The following NCEH1 variants were observed in gnomAD, a reference collection of about 807,000 sequenced individuals.
NCEH1 encodes the protein 2-acetyl MAGE hydrolase.
A neutral mutation model predicts 25.4 loss-of-function variants in NCEH1; 9 were observed. The observed-to-expected ratio is 0.35, with a 90% CI of 0.21 to 0.62. The LOEUF (loss-of-function observed/expected upper bound fraction) is 0.62. Ranked by LOEUF, NCEH1 falls within the 20% of genes least tolerant of loss-of-function variation. The probability of loss-of-function intolerance (pLI) is 0.72; values close to 1 mark genes in which losing one functional copy is unlikely to be tolerated. For missense variants in NCEH1, 412 were observed against 501.1 expected (o/e 0.82, Z 1.70); for synonymous variants, 200 against 199.8 (o/e 1.00, Z -0.01).
chr3:172,677,404 C>A lies in NCEH1; in HGVS notation c.139-29290G>T, dbSNP rs544580572. ...AATTAAGTACCCTTTTGTACACATT[C>A]ACATGGTGATCATGACAAGTTATTG... is the stretch of plus-strand genomic sequence containing the variant. On this transcript the variant is annotated intron_variant, in intron 1 of 4. Coordinates refer to ENST00000475381, the MANE Select transcript of NCEH1 (RefSeq NM_020792.6). Among the ~76,000 whole-genome samples the A allele has an allele frequency of 9.2e-5, 14 of 152,358 alleles. No homozygotes were observed. The Middle Eastern group carries it at 0.014, about 148-fold the overall frequency.
At chr3:172,673,524 C>T (rs1412927806) in intron 1 of NCEH1, among the ~76,000 whole-genome samples, 1 of 152,176 alleles carries the variant, frequency 6.6e-6, no homozygotes, top group African/African-American at 2.4e-5. Flanking sequence ...ATTTTCCATG[C>T]TCATGCTGCC....
At chr3:172,671,867 ACT>A (rs1258835698) in intron 1 of NCEH1, among the ~76,000 whole-genome samples, 2 of 152,074 alleles carry the variant, frequency 1.3e-5, no homozygotes, top group Admixed American at 6.6e-5. Flanking sequence ...GAGCTGGAAA[ACT>A]CTTATAACCT....
chr3:172,661,935 T>C (rs557587391), intron 1 of NCEH1, among the ~76,000 whole-genome samples: 9 of 152,340 alleles, frequency 5.9e-5, no homozygotes, highest in South Asian at 2.1e-4. Flanking sequence ...TGACTTCCTC[T>C]TTTCCTAATT....
intron 1 of NCEH1, among the ~76,000 whole-genome samples, chr3:172,660,814 G>C (rs1418281437): frequency 6.6e-6 from 1 of 152,158 alleles, no homozygotes; most frequent in Non-Finnish European, 1.5e-5. Context: ...CCCACTTTTT[G>C]ATGGGATTGA....
At chr3:172,692,726 T>C (rs1315076427) in intron 1 of NCEH1, among the ~76,000 whole-genome samples, 2 of 152,188 alleles carry the variant, frequency 1.3e-5, no homozygotes, top group Non-Finnish European at 2.9e-5. Flanking sequence ...CTCTTGATGT[T>C]GGTTGTGTGC....
At chr3:172,635,805 T>G in intron 4 of NCEH1, 111 bp downstream of exon 4, 3 of 968,438 alleles carry the variant, frequency 3.1e-6, no homozygotes, top group Admixed American at 4.3e-5. Context: ...GGCCATCTAG[T>G]GACCGGCCCA....
Position 172,630,924 on chromosome 3 carries a change from T to C in NCEH1, c.*2551A>G, listed in dbSNP as rs997712017. ...TACTTCACTATACAGCACTTCAAGG[T>C]TTTTCTTTATATATTAATGTTTATA... is the stretch of plus-strand genomic sequence containing the variant. On this transcript the variant is annotated 3_prime_UTR_variant, in exon 5 of 5. Transcript: ENST00000475381. The C allele has an allele frequency of 6.6e-6, 1 of 150,512 alleles. No individual in the cohort carries two copies. The highest frequency in any genetic ancestry group is 1.5e-5 in the Non-Finnish European group (1 of 67,406). The allele number at this position is 150,512 out of a possible 1,614,324, so 9.3% of individuals were successfully genotyped here. A position where few individuals can be genotyped will look rare whatever the true frequency, so the allele number is the denominator to read the frequency against.
At chr3:172,704,668 CATCTT>C (rs777256069) in intron 1 of NCEH1, among the ~76,000 whole-genome samples, 56 of 152,314 alleles carry the variant, frequency 3.7e-4, no homozygotes, top group African/African-American at 9.4e-4. Flanking sequence ...TAATATGACA[CATCTT>C]AGATTAGGCA....
At chr3:172,641,037 A>G (rs758445799) in intron 3 of NCEH1, among the ~76,000 whole-genome samples, 1 of 152,114 alleles carries the variant, frequency 6.6e-6, no homozygotes, top group Non-Finnish European at 1.5e-5. Flanking sequence ...TGGATGGATG[A>G]CTGTTTCTCC....
At chr3:172,641,100 AAAAT>A (rs2108491513) in intron 3 of NCEH1, among the ~76,000 whole-genome samples, 1 of 152,324 alleles carries the variant, frequency 6.6e-6, no homozygotes, top group African/African-American at 2.4e-5. Flanking sequence ...CTCTGTCTCA[AAAAT>A]AAATAAATAA....
At chr3:172,674,443 CAAAA>C (rs146923940) in intron 1 of NCEH1, among the ~76,000 whole-genome samples, 4 of 71,034 alleles carry the variant, frequency 5.6e-5, no homozygotes, top group African/African-American at 1.5e-4. Flanking sequence ...ACTCTGTCTC[CAAAA>C]AAAAAAAAAA....
chr3:172,645,605 C>G lies in NCEH1; in HGVS notation c.437+18G>C, dbSNP rs544740536. The G allele has an allele frequency of 8.5e-6, 13 of 1,529,014 alleles. No individual in the cohort carries two copies. In the East Asian group the frequency reaches 2.5e-4, roughly 30 times the overall value. The allele number at this position is 1,529,014 out of a possible 1,614,324, so 94.7% of individuals were successfully genotyped here. A position where few individuals can be genotyped will look rare whatever the true frequency, so the allele number is the denominator to read the frequency against. ...CCTTTATAAGAAAAATTTTCTATGACTAGCATTAATTACTTACTCAATGGA... is the reference window on the plus strand; with the variant it reads ...CCTTTATAAGAAAAATTTTCTATGAGTAGCATTAATTACTTACTCAATGGA... On this transcript the variant is annotated intron_variant, in intron 3 of 4. Transcript: ENST00000475381.
chr3:172,671,758 A>C (rs561003247), intron 1 of NCEH1, among the ~76,000 whole-genome samples: 55 of 152,244 alleles, frequency 3.6e-4, no homozygotes, highest in African/African-American at 1.3e-3. Flanking sequence ...ACATGCACAC[A>C]GGCACACACA....
At chr3:172,637,194 A>T (rs1269662877) in intron 3 of NCEH1, among the ~76,000 whole-genome samples, 2 of 152,206 alleles carry the variant, frequency 1.3e-5, no homozygotes, top group African/African-American at 2.4e-5. Context: ...ATAATCATCC[A>T]TCCAATAAAT....
chr3:172,708,638 G>A (rs930782338), intron 1 of NCEH1, among the ~76,000 whole-genome samples: 2 of 152,206 alleles, frequency 1.3e-5, no homozygotes, highest in African/African-American at 4.8e-5. Context: ...ATTACAGCGT[G>A]AGCCACCGCC....
chr3:172,654,905 C>T (rs970432799), intron 1 of NCEH1, among the ~76,000 whole-genome samples: 4 of 152,138 alleles, frequency 2.6e-5, no homozygotes, highest in Admixed American at 1.3e-4. Context: ...TCTCATGGAA[C>T]ATTTATTTAT....
intron 1 of NCEH1, among the ~76,000 whole-genome samples, chr3:172,675,317 A>G (rs1711916911): frequency 6.7e-6 from 1 of 150,322 alleles, no homozygotes; most frequent in Middle Eastern, 3.2e-3. Context: ...AAATAAATAA[A>G]TAAATAAATA....
chr3:172,668,581 GT>G (rs995566616), intron 1 of NCEH1, among the ~76,000 whole-genome samples: 2 of 151,202 alleles, frequency 1.3e-5, no homozygotes, highest in Non-Finnish European at 3.0e-5. Context: ...GAATATTACC[GT>G]GATGACTATA....
At chr3:172,639,216 T>G (rs1385603623) in intron 3 of NCEH1, among the ~76,000 whole-genome samples, 3 of 149,710 alleles carry the variant, frequency 2.0e-5, no homozygotes. Flanking sequence ...GAGAATCGCT[T>G]GAACCAGGGA....
Sources: gnomAD v4.1 joint callset for allele counts (sites outside exome capture counted in the v4.1 genomes callset) on GRCh38, gnomAD v4.1.1 for gene constraint, MANE v1.5 for transcripts, NCBI Gene and HGNC (gene_info 2026-07-23, HGNC 2026-07-21) for gene names.